The following DYM variants were observed in gnomAD, a reference collection of about 807,000 sequenced individuals.
The protein encoded by DYM is dymeclin.
Under a neutral mutation model 93.1 loss-of-function variants are expected in DYM, and 78 were observed. The observed-to-expected ratio is 0.84, with a 90% confidence interval of 0.70 to 1.01. DYM has a LOEUF of 1.01. Among genes scored for constraint, DYM ranks in the 50% least tolerant of loss-of-function variants. The pLI, the probability that DYM is intolerant of heterozygous loss-of-function variation, is 0.00. For missense variants in DYM, 789 were observed against 845.0 expected, an observed-to-expected ratio of 0.93 and a Z score of 0.82; for synonymous variants, 321 against 319.7, an observed-to-expected ratio of 1.00 and a Z score of -0.04.
chr18:49,163,574 G>A (rs562748882), intron 15 of DYM, 111 bp downstream of exon 15: 57 of 714,124 alleles, frequency 8.0e-5, no homozygotes, highest in East Asian at 7.1e-4. Context: ...TTGAACTCCC[G>A]ACCAAGTGAT....
At position 49,037,011 on chromosome 18, in the gene DYM, C is replaced by T. The variant is rs2070728947; in HGVS notation, c.*7044G>A. On this transcript the variant is annotated 3_prime_UTR_variant, in exon 18 of 18. Coordinates refer to ENST00000675505, the MANE Select transcript of DYM (RefSeq NM_001353214.3). ...CCACCTCCCAGGTTCAAGCAATTCT[C>T]TTGCCTCAGCCTCCTGCGTAGCTGG... Among the ~76,000 whole-genome samples, 1 of 152,170 alleles carries T rather than the reference C, an allele frequency of 6.6e-6. No individual in the cohort carries two copies. Among genetic ancestry groups the T allele is most frequent in the African/African-American group, 2.4e-5 (1 of 41,432 alleles).
At chr18:49,234,313 T>A (rs1167704157) in intron 13 of DYM, among the ~76,000 whole-genome samples, 1 of 151,932 alleles carries the variant, frequency 6.6e-6, no homozygotes, top group Admixed American at 6.6e-5. Flanking sequence ...AAAAATTAGT[T>A]GGGCATGGTG....
intron 5 of DYM, among the ~76,000 whole-genome samples, chr18:49,364,243 G>C (rs970761237): frequency 2.0e-5 from 3 of 152,044 alleles, no homozygotes; most frequent in African/African-American, 7.2e-5. Context: ...TCAGGAGTTC[G>C]AGACCAGCCT....
intron 15 of DYM, among the ~76,000 whole-genome samples, chr18:49,128,992 G>T (rs2083108799): frequency 6.6e-6 from 1 of 152,032 alleles, no homozygotes; most frequent in Non-Finnish European, 1.5e-5. Flanking sequence ...GTGTGTCATG[G>T]ATTACACATT....
intron 13 of DYM, among the ~76,000 whole-genome samples, chr18:49,222,056 CATT>C (rs1361507776): frequency 3.3e-5 from 5 of 151,506 alleles, no homozygotes; most frequent in African/African-American, 1.2e-4. Flanking sequence ...GTAGAAATGA[CATT>C]ATATACTCAG....
intron 11 of DYM, among the ~76,000 whole-genome samples, chr18:49,266,803 A>T (rs945199451): frequency 6.6e-6 from 1 of 152,232 alleles, no homozygotes; most frequent in East Asian, 1.9e-4. Context: ...TCTTAAAAAT[A>T]ATTACTGTTA....
intron 16 of DYM, among the ~76,000 whole-genome samples, chr18:49,108,987 T>C (rs1423854497): frequency 1.3e-5 from 2 of 152,182 alleles, no homozygotes; most frequent in Admixed American, 1.3e-4. Context: ...GCTCCCTGTG[T>C]TGAAGTCTAC....
chr18:49,385,770 A>C (rs569384682), intron 3 of DYM, among the ~76,000 whole-genome samples: 1 of 152,092 alleles, frequency 6.6e-6, no homozygotes, highest in East Asian at 1.9e-4. Flanking sequence ...TAAACACAAA[A>C]AGCCTAACAA....
At chr18:49,354,212 A>C (rs1298949386) in intron 6 of DYM, among the ~76,000 whole-genome samples, 1 of 152,116 alleles carries the variant, frequency 6.6e-6, no homozygotes, top group Non-Finnish European at 1.5e-5. Context: ...CTGGATATCC[A>C]CATGCAAAAA....
chr18:49,386,676 G>A (rs985299155), intron 3 of DYM, among the ~76,000 whole-genome samples: 5 of 152,174 alleles, frequency 3.3e-5, no homozygotes, highest in African/African-American at 1.2e-4. Flanking sequence ...ACCCTAGGTG[G>A]GATCCTGGAA....
At chr18:49,429,932 AC>A (rs1296977359) in intron 2 of DYM, among the ~76,000 whole-genome samples, 2 of 152,360 alleles carry the variant, frequency 1.3e-5, no homozygotes, top group Admixed American at 1.3e-4. Flanking sequence ...ACAGAACAGT[AC>A]GTGTAGTATG....
At chr18:49,110,266 A>C (rs1220883190) in intron 16 of DYM, among the ~76,000 whole-genome samples, 1 of 152,240 alleles carries the variant, frequency 6.6e-6, no homozygotes, top group Admixed American at 6.5e-5. Context: ...ACAGTGAATC[A>C]ACATAAGAAA....
At position 49,037,943 on chromosome 18, in the gene DYM, G is replaced by A. The variant is rs833519; in HGVS notation, c.*6112C>T. Among the ~76,000 whole-genome samples the A allele has an allele frequency of 1.3e-5, 2 of 151,964 alleles. No homozygotes were observed. Among genetic ancestry groups the A allele is most frequent in the Admixed American group, 6.5e-5 (1 of 15,268 alleles). On this transcript the variant is annotated 3_prime_UTR_variant, in exon 18 of 18. Coordinates refer to ENST00000675505, the MANE Select transcript of DYM (RefSeq NM_001353214.3). Reference sequence around the variant, plus strand: ...GGGCACAAGTGATTCTCCTGCCTCAGCTTCCCAAGTAGCTGGGGCTATAGG... The same window carrying A: ...GGGCACAAGTGATTCTCCTGCCTCAACTTCCCAAGTAGCTGGGGCTATAGG...
At chr18:49,158,201 C>A (rs1476952208) in intron 15 of DYM, among the ~76,000 whole-genome samples, 2 of 152,166 alleles carry the variant, frequency 1.3e-5, no homozygotes, top group African/African-American at 2.4e-5. Flanking sequence ...ACTTTCTCTT[C>A]TGACAACCCA....
chr18:49,287,867 C>G (rs948008764), intron 8 of DYM, among the ~76,000 whole-genome samples: 1 of 146,980 alleles, frequency 6.8e-6, no homozygotes, highest in African/African-American at 2.5e-5. Flanking sequence ...CTGTCCAGTA[C>G]AGTGGCCACT....
intron 14 of DYM, among the ~76,000 whole-genome samples, chr18:49,176,295 A>C (rs1006854711): frequency 6.6e-6 from 1 of 152,182 alleles, no homozygotes; most frequent in Admixed American, 6.5e-5. Context: ...TATACTACCA[A>C]ATTTATAAGA....
chr18:49,420,258 C>T (rs1187858382), intron 2 of DYM, among the ~76,000 whole-genome samples: 2 of 150,994 alleles, frequency 1.3e-5, no homozygotes, highest in African/African-American at 2.4e-5. Flanking sequence ...AGCTCTGCCG[C>T]GCGGGTTCAA....
At chr18:49,442,665 A>G (rs1206608815) in intron 1 of DYM, among the ~76,000 whole-genome samples, 2 of 150,038 alleles carry the variant, frequency 1.3e-5, no homozygotes, top group African/African-American at 4.9e-5. Flanking sequence ...TGAAAACAGT[A>G]ACAATAATAC....
intron 2 of DYM, among the ~76,000 whole-genome samples, chr18:49,412,236 T>TAA (rs67065136): frequency 0.035 from 4,662 of 135,042 alleles, 146 homozygotes; most frequent in African/African-American, 0.079. Flanking sequence ...AACATTGACT[T>TAA]AAAAAAAAAA....
Sources: allele counts gnomAD v4.1 joint callset (sites outside exome capture counted in the v4.1 genomes callset), GRCh38; gene constraint gnomAD v4.1.1; transcripts MANE v1.5; gene names NCBI Gene and HGNC (gene_info 2026-07-23, HGNC 2026-07-21).